The following AEBP2 variants were observed in gnomAD, a reference collection of about 807,000 sequenced individuals.
AEBP2 encodes the protein AE binding protein 2.
In AEBP2, 10 loss-of-function variants were observed where a neutral mutation model predicts 50.8. The observed-to-expected ratio is 0.20, with a 90% confidence interval of 0.12 to 0.33. The LOEUF is 0.33. AEBP2 is among the 10% of genes least tolerant of loss of function. The pLI, the probability that AEBP2 is intolerant of heterozygous loss-of-function variation, is 1.00. For synonymous variants in AEBP2, 296 were observed against 261.3 expected (o/e 1.13, Z -1.28); for missense variants, 570 against 688.0 (o/e 0.83, Z 1.92).
intron 2 of AEBP2, 25 bp downstream of exon 2, chr12:19,462,742 C>T (rs748319960): frequency 2.1e-5 from 33 of 1,555,896 alleles, no homozygotes; most frequent in Middle Eastern, 1.7e-4. Flanking sequence ...TTCTTTTTTT[C>T]GCTCCCTGTT....
intron 1 of AEBP2, chr12:19,457,485 T>A: frequency 2.7e-6 from 4 of 1,505,420 alleles, no homozygotes; most frequent in Non-Finnish European, 3.6e-6. Flanking sequence ...CCAGGCCTAC[T>A]TGAAGGAGCC....
intron 3 of AEBP2, among the ~76,000 whole-genome samples, chr12:19,486,535 C>T (rs948143618): frequency 2.0e-5 from 3 of 152,142 alleles, no homozygotes; most frequent in East Asian, 3.9e-4. Context: ...GGGATTCAGG[C>T]CTGTGCTACC....
intron 5 of AEBP2, among the ~76,000 whole-genome samples, chr12:19,501,780 C>T (rs920483149): frequency 1.5e-5 from 2 of 133,598 alleles, no homozygotes; most frequent in Middle Eastern, 5.4e-3. Context: ...TCCGTCGTCT[C>T]CTATAAAAAT....
chr12:19,450,418 C>T (rs1948146672), intron 1 of AEBP2, among the ~76,000 whole-genome samples: 1 of 150,460 alleles, frequency 6.6e-6, no homozygotes, highest in Admixed American at 6.7e-5. Flanking sequence ...AACTGTCTGC[C>T]TGAATGGGTC....
At chr12:19,446,380 G>A (rs1375494874) in intron 1 of AEBP2, among the ~76,000 whole-genome samples, 1 of 152,178 alleles carries the variant, frequency 6.6e-6, no homozygotes, top group African/African-American at 2.4e-5. Context: ...GGAAGGCCAA[G>A]GTGGGAGGAT....
In AEBP2 at chr12:19,473,228, G is replaced by A; in HGVS notation, c.880-20G>A. On this transcript the variant is annotated intron_variant, in intron 2 of 7. Transcript: ENST00000266508. The stretch of plus-strand genomic sequence containing the variant: ...TGAGATAAGTCATGAAAATTAATAT[G>A]GTTCTGTTTTTCTTAACAGGTATTT... 1 of 1,233,558 alleles carries A rather than the reference G, an allele frequency of 8.1e-7. No individual in the cohort carries two copies. The highest frequency in any genetic ancestry group is 1.1e-6 in the Non-Finnish European group (1 of 913,536). 76.4% of individuals were successfully genotyped at this position (1,233,558 alleles called of 1,614,324 possible).
At chr12:19,408,838 G>T in intron 1 of AEBP2, among the ~76,000 whole-genome samples, 1 of 151,970 alleles carries the variant, frequency 6.6e-6, no homozygotes. Flanking sequence ...GGGAGGCAGA[G>T]GTTGCAGTGA....
At chr12:19,479,324 T>A (rs1448106017) in intron 3 of AEBP2, among the ~76,000 whole-genome samples, 7 of 152,344 alleles carry the variant, frequency 4.6e-5, no homozygotes, top group Middle Eastern at 3.4e-3. Flanking sequence ...ACCTGTCTAA[T>A]GCTGTCAGTG....
intron 3 of AEBP2, among the ~76,000 whole-genome samples, chr12:19,474,800 T>TC (rs1411280536): frequency 6.6e-6 from 1 of 151,632 alleles, no homozygotes; most frequent in Non-Finnish European, 1.5e-5. Context: ...ATAGTTTTTT[T>TC]TTCCCCCCTC....
chr12:19,486,503 T>C (rs1009283758), intron 3 of AEBP2, among the ~76,000 whole-genome samples: 1 of 152,090 alleles, frequency 6.6e-6, no homozygotes, highest in Admixed American at 6.6e-5. Flanking sequence ...GTGTTACTCA[T>C]ACTACAGTCT....
At chr12:19,487,800 A>G (rs1331909987) in intron 3 of AEBP2, among the ~76,000 whole-genome samples, 1 of 152,150 alleles carries the variant, frequency 6.6e-6, no homozygotes, top group Non-Finnish European at 1.5e-5. Flanking sequence ...AGTTTCATAT[A>G]TGTAAGCGAT....
chr12:19,440,941 C>T (rs891628557), intron 1 of AEBP2, among the ~76,000 whole-genome samples: 4 of 152,224 alleles, frequency 2.6e-5, no homozygotes, highest in Admixed American at 6.5e-5. Context: ...GTCATGTGGT[C>T]TCCAACGTGA....
intron 7 of AEBP2, 91 bp downstream of exon 7, chr12:19,514,875 T>G: frequency 1.1e-6 from 1 of 886,834 alleles, no homozygotes; most frequent in South Asian, 1.6e-5. Context: ...TTTTAAGTGC[T>G]GAATTTTAAT....
chr12:19,422,499 C>T (rs1013046308), intron 1 of AEBP2, among the ~76,000 whole-genome samples: 6 of 44,972 alleles, frequency 1.3e-4, no homozygotes, highest in African/African-American at 6.8e-4. Flanking sequence ...GCTAGAAATA[C>T]ATTTTTTTTT....
At position 19,405,996 on chromosome 12, in the gene AEBP2, C is replaced by T. The variant is rs571631075; in HGVS notation, c.-17+1780C>T. 2.6e-3 allele frequency among the ~76,000 whole-genome samples: 379 copies of T among 146,074 alleles called. 1 individual carries two copies. Among genetic ancestry groups the T allele is most frequent in the Non-Finnish European group, 4.7e-3 (311 of 66,764 alleles). ...TTTTTTTTTTTTTTCTTTTTTGAGA[C>T]GGAGTCTCACTCCAGGCTGGAGTGC... On this transcript the variant is annotated intron_variant, in intron 1 of 3. Transcript: ENST00000538425.
intron 1 of AEBP2, among the ~76,000 whole-genome samples, chr12:19,448,341 A>G (rs1252473923): frequency 6.6e-6 from 1 of 152,186 alleles, no homozygotes. Flanking sequence ...TAGTAAAAAT[A>G]CAAAAATTAG....
At chr12:19,486,277 C>T (rs78640511) in intron 3 of AEBP2, among the ~76,000 whole-genome samples, 10,388 of 152,108 alleles carry the variant, frequency 0.068, 539 homozygotes, top group East Asian at 0.16. Context: ...GAGATTTGTA[C>T]GAATTGTATC....
At chr12:19,462,776 A>AT in intron 2 of AEBP2, 59 bp downstream of exon 2, 3 of 1,455,178 alleles carry the variant, frequency 2.1e-6, no homozygotes, top group Non-Finnish European at 2.8e-6. Context: ...TTAATTTATA[A>AT]TTGCTAGTTA....
At chr12:19,405,996 C>G (rs571631075) in intron 1 of AEBP2, among the ~76,000 whole-genome samples, 2 of 145,974 alleles carry the variant, frequency 1.4e-5, no homozygotes, top group African/African-American at 2.5e-5. Flanking sequence ...TTTTTTGAGA[C>G]GGAGTCTCAC....
Sources: allele counts gnomAD v4.1 joint callset (sites outside exome capture counted in the v4.1 genomes callset), GRCh38; gene constraint gnomAD v4.1.1; transcripts MANE v1.5; gene names NCBI Gene and HGNC (gene_info 2026-07-23, HGNC 2026-07-21).